MYT1L: variants seen among roughly 807,000 people sequenced by gnomAD.
MYT1L encodes the protein myelin transcription factor 1 like.
MYT1L carries 12 observed loss-of-function variants against 126.7 expected under a neutral mutation model. That is an observed-to-expected ratio of 0.09 (90% CI 0.06 to 0.15). The LOEUF (loss-of-function observed/expected upper bound fraction) is 0.15, where lower values mean the gene tolerates loss of function less well. Among genes scored for constraint, MYT1L ranks in the 10% least tolerant of loss-of-function variants. The pLI, the probability that MYT1L is intolerant of heterozygous loss-of-function variation, is 1.00. For missense variants in MYT1L, 979 were observed against 1,585.2 expected (o/e 0.62, Z 6.49); for synonymous variants, 541 against 604.2 (o/e 0.90, Z 1.53).
chr2:2,289,566 G>A (rs933645065), intron 1 of MYT1L, among the ~76,000 whole-genome samples: 4 of 152,084 alleles, frequency 2.6e-5, no homozygotes, highest in Non-Finnish European at 4.4e-5. Flanking sequence ...CCTGCAAATC[G>A]CTGTGTTCAC....
At chr2:2,156,659 G>A (rs927652707) in intron 3 of MYT1L, among the ~76,000 whole-genome samples, 2 of 152,082 alleles carry the variant, frequency 1.3e-5, no homozygotes, top group African/African-American at 4.8e-5. Context: ...TTATATCTAC[G>A]CTTACGTTGG....
At chr2:2,137,625 C>G (rs1280030268) in intron 3 of MYT1L, among the ~76,000 whole-genome samples, 1 of 152,188 alleles carries the variant, frequency 6.6e-6, no homozygotes, top group Admixed American at 6.5e-5. Context: ...GCTGAGAAAA[C>G]TGGCTAGCCA....
intron 2 of MYT1L, among the ~76,000 whole-genome samples, chr2:2,254,891 C>T (rs1000928401): frequency 3.9e-5 from 6 of 152,170 alleles, no homozygotes; most frequent in Non-Finnish European, 8.8e-5. Flanking sequence ...CTTCCCCAAA[C>T]TTTTACTACA....
chr2:1,956,191 G>GTCTGTCTATCTATCTATCTA (rs1553354694), intron 8 of MYT1L, among the ~76,000 whole-genome samples: 1,644 of 145,966 alleles, frequency 0.011, 58 homozygotes, highest in East Asian at 0.024. Flanking sequence ...TTACCTAGCT[G>GTCTGTCTATCTATCTATCTA]TCTATCTATC....
chr2:2,045,715 G>T (rs1302685879), intron 4 of MYT1L, among the ~76,000 whole-genome samples: 3 of 152,166 alleles, frequency 2.0e-5, no homozygotes, highest in African/African-American at 7.2e-5. Flanking sequence ...TTCTCACACA[G>T]GACCTATATT....
Position 1,887,521 on chromosome 2 carries a change from G to C in MYT1L, c.2609C>G (p.Pro870Arg). 6.2e-7 allele frequency: 1 copy of C among 1,614,026 alleles called. No individual in the cohort carries two copies. The highest frequency in any genetic ancestry group is 8.5e-7 in the Non-Finnish European group (1 of 1,179,898). ...GTCCTTTTTGCTCTCCTTGCACTGAGGGTACTTGGGTTTGGGACTTGGGAT... is the reference window on the plus strand; with the variant it reads ...GTCCTTTTTGCTCTCCTTGCACTGACGGTACTTGGGTTTGGGACTTGGGAT... ...VTIPSPKPKY[P>R]QCKESKKDLI... The change falls in exon 17 of 25, where the codon CCT becomes CGT. Residue 870 changes from proline to arginine, a missense_variant. Around this residue, in one of 12 missense-constraint regions of MYT1L, gnomAD observed 141 missense variants for 170.6 expected, o/e 0.83. Transcript: ENST00000647738. The surrounding 1 kb of genome is among the most constrained non-coding windows in gnomAD (Gnocchi z 4.8).
At chr2:2,295,665 G>C (rs2095670670) in intron 1 of MYT1L, among the ~76,000 whole-genome samples, 1 of 132,160 alleles carries the variant, frequency 7.6e-6, no homozygotes, top group African/African-American at 2.9e-5. Context: ...CAGACAGACA[G>C]AGAGAGAGAG....
At chr2:2,142,080 A>G (rs2084067069) in intron 3 of MYT1L, among the ~76,000 whole-genome samples, 1 of 152,186 alleles carries the variant, frequency 6.6e-6, no homozygotes, top group Admixed American at 6.5e-5. Flanking sequence ...TTCTTGAAAG[A>G]TCAAATTCAT....
chr2:2,215,296 C>T (rs1331153501), intron 2 of MYT1L, among the ~76,000 whole-genome samples: 1 of 151,978 alleles, frequency 6.6e-6, no homozygotes, highest in Non-Finnish European at 1.5e-5. Flanking sequence ...AACTCTATCG[C>T]CTACAGAAAC....
intron 3 of MYT1L, among the ~76,000 whole-genome samples, chr2:2,126,540 G>A (rs757013317): frequency 1.1e-4 from 16 of 152,202 alleles, no homozygotes; most frequent in Admixed American, 4.6e-4. Flanking sequence ...AGGGATTGGC[G>A]AGCCTGAGGC....
At chr2:2,123,819 T>C (rs2081343991) in intron 3 of MYT1L, among the ~76,000 whole-genome samples, 1 of 152,182 alleles carries the variant, frequency 6.6e-6, no homozygotes, top group Non-Finnish European at 1.5e-5. Flanking sequence ...CAAGGGTCTC[T>C]GTAAGGGAAA....
chr2:1,876,723 CG>C (rs371952822), intron 18 of MYT1L, among the ~76,000 whole-genome samples: 1 of 152,304 alleles, frequency 6.6e-6, no homozygotes, highest in African/African-American at 2.4e-5. Context: ...TGCAAGACAT[CG>C]GGGAGATTTG....
In MYT1L at chr2:2,318,682, C is replaced by A. The variant is rs550862891; in HGVS notation, c.-521+12285G>T. On this transcript the variant is annotated intron_variant, in intron 1 of 24. Transcript: ENST00000647738. ...CAGTGGAAAATTTCACATGTTAATTCAGTACCAAATGTGCCACATTAAACA... is the reference window on the plus strand; with the variant it reads ...CAGTGGAAAATTTCACATGTTAATTAAGTACCAAATGTGCCACATTAAACA... Among the ~76,000 whole-genome samples, 14 of 152,280 alleles carry A rather than the reference C, an allele frequency of 9.2e-5. No individual in the cohort carries two copies. In the South Asian group the frequency reaches 2.5e-3, roughly 27 times the overall value.
At chr2:1,904,969 TG>T (rs57380541) in intron 13 of MYT1L, among the ~76,000 whole-genome samples, 21,077 of 151,734 alleles carry the variant, frequency 0.14, 1,736 homozygotes, top group East Asian at 0.3. Flanking sequence ...AATTTTTTTT[TG>T]TATTTTTAGT....
At chr2:2,328,383 G>C (rs1266294790) in intron 1 of MYT1L, among the ~76,000 whole-genome samples, 1 of 152,158 alleles carries the variant, frequency 6.6e-6, no homozygotes. Flanking sequence ...GCATATTAAA[G>C]AAGTCTCATT....
At chr2:2,327,460 T>C (rs1245239128) in intron 1 of MYT1L, among the ~76,000 whole-genome samples, 4 of 152,032 alleles carry the variant, frequency 2.6e-5, no homozygotes, top group Non-Finnish European at 2.9e-5. Context: ...ACTACACAAC[T>C]TTTCAAATAA....
At chr2:2,042,943 C>T (rs1223465201) in intron 4 of MYT1L, among the ~76,000 whole-genome samples, 2 of 152,212 alleles carry the variant, frequency 1.3e-5, no homozygotes, top group Non-Finnish European at 2.9e-5. Context: ...CGGCAGCCCT[C>T]ACCTGGTGCC....
At chr2:1,815,751 C>T (rs1255190168) in intron 21 of MYT1L, among the ~76,000 whole-genome samples, 1 of 152,252 alleles carries the variant, frequency 6.6e-6, no homozygotes, top group East Asian at 1.9e-4. Context: ...AGGCCAGTGT[C>T]CCAGGGCTGC....
chr2:2,220,168 C>T (rs60585106), intron 2 of MYT1L, among the ~76,000 whole-genome samples: 12,483 of 152,226 alleles, frequency 0.082, 565 homozygotes, highest in East Asian at 0.16. Flanking sequence ...GACCATGGCA[C>T]GTGACACAGC....
Sources: gnomAD v4.1 joint callset for allele counts (sites outside exome capture counted in the v4.1 genomes callset) on GRCh38, gnomAD v4.1.1 for gene constraint, gnomAD v4.1.1 regional missense constraint, Gnocchi (gnomAD v3.1) non-coding constraint, MANE v1.5 for transcripts, NCBI Gene and HGNC (gene_info 2026-07-23, HGNC 2026-07-21) for gene names.